ZFPM2: variants seen among roughly 807,000 people sequenced by gnomAD.
The protein encoded by ZFPM2 is zinc finger protein ZFPM2.
In ZFPM2, 20 loss-of-function variants were observed where a neutral mutation model predicts 98.6. The observed-to-expected ratio is 0.20, with a 90% CI of 0.14 to 0.29. ZFPM2 has a LOEUF of 0.29. ZFPM2 is among the 10% of genes least tolerant of loss of function. ZFPM2 has a pLI of 1.00. For synonymous variants in ZFPM2, 518 were observed against 502.7 expected (o/e 1.03, Z -0.41); for missense variants, 1,310 against 1,388.6 (o/e 0.94, Z 0.90).
At chr8:105,330,992 T>C (rs1421597168) in intron 1 of ZFPM2, among the ~76,000 whole-genome samples, 2 of 151,156 alleles carry the variant, frequency 1.3e-5, no homozygotes, top group African/African-American at 4.8e-5. Context: ...TGTGAACAAC[T>C]CTCTAAAGGT....
At chr8:105,452,758 C>A (rs1350431664) in intron 3 of ZFPM2, among the ~76,000 whole-genome samples, 1 of 151,752 alleles carries the variant, frequency 6.6e-6, no homozygotes, top group South Asian at 2.1e-4. Flanking sequence ...TCTCAAACAA[C>A]AACAACAACA....
intron 3 of ZFPM2, among the ~76,000 whole-genome samples, chr8:105,521,829 G>A (rs942031100): frequency 3.3e-5 from 5 of 152,010 alleles, no homozygotes; most frequent in African/African-American, 1.2e-4. Flanking sequence ...CGCCCACCTC[G>A]GCCTCCCAAA....
intron 5 of ZFPM2, among the ~76,000 whole-genome samples, chr8:105,721,691 A>G (rs12545946): frequency 0.17 from 25,296 of 151,916 alleles, 2,569 homozygotes; most frequent in East Asian, 0.32. Context: ...TAGACACAAT[A>G]TTCTCTTGTT....
At chr8:105,403,992 A>AAACAAC (rs58138715) in intron 1 of ZFPM2, among the ~76,000 whole-genome samples, 2,523 of 147,700 alleles carry the variant, frequency 0.017, 35 homozygotes, top group East Asian at 0.037. Flanking sequence ...ATTGGTGTTA[A>AAACAAC]AACAACAACA....
chr8:105,685,665 A>G (rs770559350), intron 5 of ZFPM2: 9 of 152,078 alleles, frequency 5.9e-5, no homozygotes, highest in Non-Finnish European at 1.2e-4. Context: ...ATCCGAGTGG[A>G]AAAAGCAGAT....
intron 5 of ZFPM2, among the ~76,000 whole-genome samples, chr8:105,643,711 G>T (rs1471649224): frequency 6.6e-6 from 1 of 152,146 alleles, no homozygotes; most frequent in Non-Finnish European, 1.5e-5. Context: ...ATCAAAATTT[G>T]TTCTCCTAAT....
intron 1 of ZFPM2, among the ~76,000 whole-genome samples, chr8:105,321,755 G>A (rs1189599279): frequency 2.6e-5 from 4 of 152,086 alleles, no homozygotes; most frequent in Non-Finnish European, 5.9e-5. Context: ...TATGATGACT[G>A]GCCAGATAAG....
Position 105,625,328 on chromosome 8 carries a change from T to C in ZFPM2, c.421-8918T>C, listed in dbSNP as rs533529398. On this transcript the variant is annotated intron_variant, in intron 4 of 7. Transcript: ENST00000407775. ...TCCCAAACAATAAACACAAATAAGA[T>C]AGGTTCTTTTAATAGGAGTTTGGAA... 8.5e-5 allele frequency among the ~76,000 whole-genome samples: 13 copies of C among 152,254 alleles called. 1 individual carries two copies. In the East Asian group the frequency reaches 2.5e-3, roughly 29 times the overall value.
intron 6 of ZFPM2, among the ~76,000 whole-genome samples, chr8:105,796,241 A>C (rs1194273349): frequency 2.6e-5 from 4 of 152,338 alleles, no homozygotes; most frequent in Non-Finnish European, 4.4e-5. Context: ...AGGCAAAAGA[A>C]TTTTATTGCC....
intron 5 of ZFPM2, among the ~76,000 whole-genome samples, chr8:105,711,165 C>G (rs1811386347): frequency 6.6e-6 from 1 of 152,014 alleles, no homozygotes; most frequent in African/African-American, 2.4e-5. Flanking sequence ...ATGCCAACAA[C>G]AAGAATATTT....
chr8:105,372,571 A>T (rs1202802763), intron 1 of ZFPM2, among the ~76,000 whole-genome samples: 1 of 152,204 alleles, frequency 6.6e-6, no homozygotes, highest in Non-Finnish European at 1.5e-5. Context: ...GGTAAATAAA[A>T]GTCTGGTAGA....
At chr8:105,566,895 A>G (rs1261870097) in intron 4 of ZFPM2, among the ~76,000 whole-genome samples, 2 of 152,158 alleles carry the variant, frequency 1.3e-5, no homozygotes, top group Non-Finnish European at 2.9e-5. Flanking sequence ...CCCACAGGGT[A>G]TTTGTGATAC....
chr8:105,460,311 A>C (rs1359371882), intron 3 of ZFPM2, among the ~76,000 whole-genome samples: 2 of 152,192 alleles, frequency 1.3e-5, no homozygotes, highest in African/African-American at 4.8e-5. Context: ...AGGTCTCAAA[A>C]GGAAGAGGCT....
intron 5 of ZFPM2, among the ~76,000 whole-genome samples, chr8:105,691,233 T>A (rs1475655773): frequency 1.1e-5 from 1 of 87,612 alleles, no homozygotes; most frequent in Non-Finnish European, 2.3e-5. Context: ...CAAAGAGACT[T>A]TTTTTTTTTT....
At chr8:105,498,255 C>G (rs1813516331) in intron 3 of ZFPM2, among the ~76,000 whole-genome samples, 1 of 152,112 alleles carries the variant, frequency 6.6e-6, no homozygotes, top group Non-Finnish European at 1.5e-5. Flanking sequence ...TCTTTATCTA[C>G]TCACATATTG....
chr8:105,508,933 C>G (rs1813758471), intron 3 of ZFPM2, among the ~76,000 whole-genome samples: 2 of 151,584 alleles, frequency 1.3e-5, no homozygotes, highest in South Asian at 4.2e-4. Context: ...ATTTAAGCTA[C>G]CCCAGCAGAA....
intron 3 of ZFPM2, among the ~76,000 whole-genome samples, chr8:105,531,647 CTA>C (rs1375366950): frequency 6.6e-6 from 1 of 152,052 alleles, no homozygotes; most frequent in East Asian, 1.9e-4. Flanking sequence ...ACAATTCAAC[CTA>C]TAGTACCTCT....
intron 5 of ZFPM2, among the ~76,000 whole-genome samples, chr8:105,691,350 G>A (rs1409597993): frequency 1.5e-5 from 2 of 131,206 alleles, no homozygotes; most frequent in Non-Finnish European, 3.2e-5. Flanking sequence ...CCGGGTTCAC[G>A]CCATTCTCCT....
At chr8:105,505,088 A>T (rs1227049606) in intron 3 of ZFPM2, among the ~76,000 whole-genome samples, 1 of 152,184 alleles carries the variant, frequency 6.6e-6, no homozygotes, top group Non-Finnish European at 1.5e-5. Context: ...TGGAATACAG[A>T]TGTAGGTGTG....
Sources: allele counts gnomAD v4.1 joint callset (sites outside exome capture counted in the v4.1 genomes callset), GRCh38; gene constraint gnomAD v4.1.1; transcripts MANE v1.5; gene names NCBI Gene and HGNC (gene_info 2026-07-23, HGNC 2026-07-21).